Variants in CACNA2D3 observed in about 807,000 individuals in gnomAD.
CACNA2D3 encodes the protein calcium voltage-gated channel auxiliary subunit alpha2delta 3.
CACNA2D3 carries 60 observed loss-of-function variants against 160.6 expected under a neutral mutation model. That is an observed-to-expected ratio of 0.37 (90% CI 0.30 to 0.46). CACNA2D3 has a LOEUF of 0.46. Among genes scored for constraint, CACNA2D3 ranks in the 20% least tolerant of loss-of-function variants. The pLI, the probability that CACNA2D3 is intolerant of heterozygous loss-of-function variation, is 1.00. For missense variants in CACNA2D3, 1,205 were observed against 1,365.0 expected (o/e 0.88, Z 1.85); for synonymous variants, 558 against 492.9 (o/e 1.13, Z -1.75).
rs751353819 is a variant in CACNA2D3, at chr3:54,968,554, T to C, written c.2511+43T>C. ...TCTTGAAGCATTAGCGACACTGTTA[T>C]TATACAGGTGTTCCCATTTGGGTAC... On this transcript the variant is annotated intron_variant, in intron 28 of 37. Coordinates refer to ENST00000474759, the MANE Select transcript of CACNA2D3 (RefSeq NM_018398.3). 5.5e-6 allele frequency: 8 copies of C among 1,454,094 alleles called. No individual in the cohort carries two copies. In the Admixed American group the frequency reaches 1.4e-4, roughly 26 times the overall value. 90.1% of individuals were successfully genotyped at this position (1,454,094 alleles called of 1,614,324 possible). A position where few individuals can be genotyped will look rare whatever the true frequency, so the allele number is the denominator to read the frequency against.
At chr3:54,728,066 T>G (rs1262746549) in intron 11 of CACNA2D3, among the ~76,000 whole-genome samples, 4 of 152,222 alleles carry the variant, frequency 2.6e-5, no homozygotes, top group Non-Finnish European at 5.9e-5. Flanking sequence ...TAAGAATGTT[T>G]TCTTTTGCAT....
At chr3:54,691,819 T>G (rs1398556444) in intron 11 of CACNA2D3, among the ~76,000 whole-genome samples, 1 of 152,208 alleles carries the variant, frequency 6.6e-6, no homozygotes, top group Non-Finnish European at 1.5e-5. Flanking sequence ...TTCATTTATT[T>G]GTCTTTTCAG....
rs1559549468 is a variant in CACNA2D3 at position 54,687,142 on chromosome 3, TTTTTTTTTG to T, written c.1167+44909_1167+44917del. ...TTTTCTTTTTTTTTTTTTGTTTTTTTTTTTTTTTGTTTTTTTGACACTGGGCCTCACCCT... is the reference window on the plus strand; with the variant it reads ...TTTTCTTTTTTTTTTTTTGTTTTTTTTTTTTTTGACACTGGGCCTCACCCT... On this transcript the variant is annotated intron_variant, in intron 11 of 37. Coordinates refer to ENST00000474759, the MANE Select transcript of CACNA2D3 (RefSeq NM_018398.3). Among the ~76,000 whole-genome samples the T allele has an allele frequency of 2.9e-4, 21 of 72,940 alleles. 2 individuals carry two copies. Among genetic ancestry groups the T allele is most frequent in the South Asian group, 1.2e-3 (3 of 2,608 alleles). 47.9% of individuals were successfully genotyped at this position (72,940 alleles called of 152,430 possible).
chr3:54,925,272 C>A, intron 27 of CACNA2D3: 1 of 1,402,970 alleles, frequency 7.1e-7, no homozygotes, highest in Non-Finnish European at 9.9e-7. Flanking sequence ...GTGGTATCAG[C>A]ACTTTTCCGC....
chr3:54,680,528 G>C (rs955378132), intron 11 of CACNA2D3, among the ~76,000 whole-genome samples: 4 of 152,208 alleles, frequency 2.6e-5, no homozygotes, highest in Non-Finnish European at 4.4e-5. Flanking sequence ...GGTATCCTCA[G>C]GGTTTCCCTG....
intron 4 of CACNA2D3, among the ~76,000 whole-genome samples, chr3:54,434,730 TCA>T (rs1491216196): frequency 6.6e-6 from 1 of 152,222 alleles, no homozygotes; most frequent in Non-Finnish European, 1.5e-5. Flanking sequence ...GAGACCATTC[TCA>T]GAGTTGAGGG....
rs1701897060 is a variant in CACNA2D3, at chr3:54,536,843, T to A, written c.545-25957T>A. 2.6e-5 allele frequency among the ~76,000 whole-genome samples: 4 copies of A among 152,210 alleles called. No individual in the cohort carries two copies. In the South Asian group the frequency reaches 8.3e-4, roughly 32 times the overall value. On this transcript the variant is annotated intron_variant, in intron 5 of 37. Coordinates refer to ENST00000474759, the MANE Select transcript of CACNA2D3 (RefSeq NM_018398.3). ...CTTGCTATTATTAGAGCAGCTGCCA[T>A]GCATCAAGTGTTCTTGGGTGCCCAG...
At chr3:54,569,344 G>A (rs778403446) in intron 6 of CACNA2D3, among the ~76,000 whole-genome samples, 1 of 152,114 alleles carries the variant, frequency 6.6e-6, no homozygotes, top group Non-Finnish European at 1.5e-5. Flanking sequence ...ATCCTTAGTT[G>A]GAAACATTGT....
chr3:54,350,968 G>GTGTTTTTTTTTTTTTTTTTTTTTTTTTTT (rs1698542910), intron 3 of CACNA2D3, among the ~76,000 whole-genome samples: 1 of 56,106 alleles, frequency 1.8e-5, no homozygotes, highest in Non-Finnish European at 3.5e-5. Context: ...TCTTGAGTCT[G>GTGTTTTTTTTTTTTTTTTTTTTTTTTTTT]TTTTTTTTTT....
At chr3:54,226,708 C>T (rs1021061341) in intron 2 of CACNA2D3, among the ~76,000 whole-genome samples, 1 of 152,098 alleles carries the variant, frequency 6.6e-6, no homozygotes, top group African/African-American at 2.4e-5. Context: ...ATAACACTGC[C>T]GAAAGCTCTG....
At chr3:54,213,267 A>G (rs1701407905) in intron 2 of CACNA2D3, among the ~76,000 whole-genome samples, 2 of 152,182 alleles carry the variant, frequency 1.3e-5, no homozygotes, top group African/African-American at 2.4e-5. Context: ...AAGGCTGTTA[A>G]TGGGATAGTT....
chr3:54,890,292 C>G (rs191744018), intron 24 of CACNA2D3, among the ~76,000 whole-genome samples: 191 of 151,950 alleles, frequency 1.3e-3, no homozygotes, highest in African/African-American at 4.2e-3. Context: ...GGCAGGAGAT[C>G]GAGACCATCC....
chr3:54,752,483 G>T (rs917352576), intron 11 of CACNA2D3, 116 bp from the exon 12 acceptor site: 1 of 689,326 alleles, frequency 1.5e-6, no homozygotes, highest in Non-Finnish European at 2.7e-6. Flanking sequence ...TGTTCCTGCA[G>T]ATGGGAAGCA....
At position 55,036,129 on chromosome 3, in the gene CACNA2D3, G is replaced by A. The variant is rs570647208; in HGVS notation, c.2987+17812G>A. On this transcript the variant is annotated intron_variant, in intron 35 of 37. Transcript: ENST00000474759. ...TGTGGGTGATTACATTAAACCACTT[G>A]GCATAGTCTATTAACCATAAAATGA... Among the ~76,000 whole-genome samples, 15 of 152,242 alleles carry A rather than the reference G, an allele frequency of 9.9e-5. No homozygotes were observed. In the East Asian group the frequency reaches 1.9e-3, roughly 20 times the overall value.
chr3:55,027,263 T>C (rs913993510), intron 35 of CACNA2D3, among the ~76,000 whole-genome samples: 5 of 152,238 alleles, frequency 3.3e-5, no homozygotes, highest in Non-Finnish European at 7.3e-5. Flanking sequence ...CTTTTATTCT[T>C]GTCTTTTGCA....
chr3:54,184,246 C>G (rs1407425209), intron 2 of CACNA2D3, among the ~76,000 whole-genome samples: 2 of 152,228 alleles, frequency 1.3e-5, no homozygotes, highest in Non-Finnish European at 2.9e-5. Flanking sequence ...ACTTGACAAA[C>G]CCTTCAGGCT....
At chr3:54,286,995 A>G (rs1409979424) in intron 2 of CACNA2D3, among the ~76,000 whole-genome samples, 8 of 152,186 alleles carry the variant, frequency 5.3e-5, no homozygotes, top group Admixed American at 2.6e-4. Context: ...AAAGACCATC[A>G]AGGCTAGGAA....
At chr3:54,638,627 C>A (rs960208999) in intron 10 of CACNA2D3, 3 of 151,506 alleles carry the variant, frequency 2.0e-5, no homozygotes, top group African/African-American at 4.9e-5. Context: ...AGGGGACAGG[C>A]GGGAGGGAAA....
chr3:55,073,718 C>T (rs904957336), intron 36 of CACNA2D3, 59 bp from the exon 37 acceptor site: 2 of 1,445,546 alleles, frequency 1.4e-6, no homozygotes, highest in African/African-American at 2.8e-5. Flanking sequence ...AAATTTTGAC[C>T]TCTGAAATGC....
Sources: allele counts gnomAD v4.1 joint callset (sites outside exome capture counted in the v4.1 genomes callset), GRCh38; gene constraint gnomAD v4.1.1; transcripts MANE v1.5; gene names NCBI Gene and HGNC (gene_info 2026-07-23, HGNC 2026-07-21).